The following RORC variants were observed in gnomAD, a reference collection of about 807,000 sequenced individuals.
RORC encodes nuclear receptor ROR-gamma.
In RORC, 13 loss-of-function variants were observed where a neutral mutation model predicts 64.5. The observed-to-expected ratio is 0.20, with a 90% CI of 0.13 to 0.32. The LOEUF (loss-of-function observed/expected upper bound fraction) is 0.32. Ranked by LOEUF, RORC falls within the 10% of genes least tolerant of loss-of-function variation. The pLI is 1.00. For synonymous variants in RORC, 277 were observed against 259.3 expected, an observed-to-expected ratio of 1.07 and a Z score of -0.65; for missense variants, 468 against 669.5, an observed-to-expected ratio of 0.70 and a Z score of 3.32.
chr1:151,811,302 T>C (rs1305525561), intron 10 of RORC, 23 bp downstream of exon 10: 1 of 1,530,680 alleles, frequency 6.5e-7, no homozygotes, highest in South Asian at 1.1e-5. Flanking sequence ...CCTGGCCTCT[T>C]CTACCCCAGG....
chr1:151,827,092 T>C (rs898052837), intron 2 of RORC, among the ~76,000 whole-genome samples: 3 of 152,208 alleles, frequency 2.0e-5, no homozygotes, highest in African/African-American at 7.2e-5. Context: ...CACTACAGCC[T>C]GAGCAACTGA....
intron 3 of RORC, 40 bp from the exon 4 acceptor site, chr1:151,816,845 T>G (rs1447395608): frequency 5.4e-6 from 8 of 1,486,396 alleles, no homozygotes; most frequent in Non-Finnish European, 7.2e-6. Context: ...CTTATCCTGG[T>G]CAGGCCCAGC....
intron 9 of RORC, 108 bp downstream of exon 9, chr1:151,812,839 T>C (rs1651592212): frequency 4.3e-6 from 3 of 691,042 alleles, no homozygotes; most frequent in Non-Finnish European, 5.0e-6. Context: ...TTCTGCTATT[T>C]AAAGCAATTT....
chr1:151,809,074 C>T (rs7551489), intron 10 of RORC, among the ~76,000 whole-genome samples: 2,091 of 152,238 alleles, frequency 0.014, 36 homozygotes, highest in African/African-American at 0.047. Flanking sequence ...ATTTGATTCT[C>T]GGCATCACAG....
At chr1:151,826,536 G>T (rs1322113739) in intron 2 of RORC, among the ~76,000 whole-genome samples, 1 of 152,166 alleles carries the variant, frequency 6.6e-6, no homozygotes, top group African/African-American at 2.4e-5. Context: ...GGTGCAGCCT[G>T]GGGGGCTGTC....
rs1299575377 is a variant in RORC, at chr1:151,817,430, G to A, written c.71-150C>T. The A allele has an allele frequency of 4.8e-6, 3 of 630,902 alleles. No individual in the cohort carries two copies. The East Asian group carries it at 8.2e-5, about 17-fold the overall frequency. The allele number at this position is 630,902 out of a possible 1,614,324, so 39.1% of individuals were successfully genotyped here. A position where few individuals can be genotyped will look rare whatever the true frequency, so the allele number is the denominator to read the frequency against. On this transcript the variant is annotated intron_variant, in intron 2 of 10. Transcript: ENST00000318247. The stretch of plus-strand genomic sequence containing the variant: ...GTTTCCCTCTTGCAAAATGGAAGGG[G>A]AAGTGAAATGCCAAATGCTTCTCAG...
intron 4 of RORC, 28 bp downstream of exon 4, chr1:151,816,636 C>A (rs1357188902): frequency 1.3e-6 from 2 of 1,587,894 alleles, no homozygotes; most frequent in African/African-American, 1.3e-5. Flanking sequence ...ACCAGGAAAA[C>A]CCCAGGGGGC....
Position 151,816,739 on chromosome 1 carries a change from T to C in RORC, c.223A>G (p.Ile75Val). Residue 75 changes from isoleucine to valine, a missense_variant, in exon 4 of 11, where the codon ATC (isoleucine) becomes GTC (valine). Transcript: ENST00000318247. ...CATCGGTTTCGGCTGGTGCGGTCGA[T>C]GGGGCAGTTCTGCTGACGGGTGCAG... ...YSCTRQQNCP[I>V]DRTSRNRCQH... 6.3e-7 allele frequency: 1 copy of C among 1,599,424 alleles called. No individual in the cohort carries two copies. The highest frequency in any genetic ancestry group is 8.5e-7 in the Non-Finnish European group (1 of 1,172,592).
Position 151,807,586 on chromosome 1 carries a change from T to C in RORC, c.1443A>G (p.Glu481=). Residue 481 remains glutamate (E), a synonymous_variant, in exon 11 of 11, where the codon GAA becomes GAG. Coordinates refer to ENST00000318247, the MANE Select transcript of RORC (RefSeq NM_005060.4). The surrounding 1 kb of genome is among the most constrained non-coding windows in gnomAD (Gnocchi z 5.0). ...GGAGGTGCTGGAAGATCTGCAGCCT[T>C]TCCACATGCTGGCTACACAGGCTCC... ...KLRSLCSQHV[E]RLQIFQHLHP... 9 of 1,613,908 alleles carry C rather than the reference T, an allele frequency of 5.6e-6. No homozygotes were observed. Among genetic ancestry groups the C allele is most frequent in the Non-Finnish European group, 6.8e-6 (8 of 1,179,948 alleles).
chr1:151,826,790 C>T (rs892934547), intron 2 of RORC, among the ~76,000 whole-genome samples: 19 of 152,146 alleles, frequency 1.2e-4, no homozygotes, highest in Admixed American at 2.0e-4. Context: ...AAATGGTTCT[C>T]GATGTTTTAT....
rs200047333 is a variant in RORC, at chr1:151,807,361, G to A, written c.*111C>T. On this transcript the variant is annotated 3_prime_UTR_variant, in exon 11 of 11. Transcript: ENST00000318247. The surrounding 1 kb of genome is among the most constrained non-coding windows in gnomAD (Gnocchi z 5.0). Reference sequence around the variant, plus strand: ...GCATCTGCTCACTTCCAAAGAGCTGGTGGGGACCACCCTCCAGGGTTCATG... The same window carrying A: ...GCATCTGCTCACTTCCAAAGAGCTGATGGGGACCACCCTCCAGGGTTCATG... 4.4e-6 allele frequency: 5 copies of A among 1,131,886 alleles called. No individual in the cohort carries two copies. The East Asian group carries it at 1.3e-4, about 29-fold the overall frequency. 70.1% of individuals were successfully genotyped at this position (1,131,886 alleles called of 1,614,324 possible).
intron 2 of RORC, among the ~76,000 whole-genome samples, chr1:151,820,508 G>A (rs11578418): frequency 0.11 from 16,100 of 152,038 alleles, 962 homozygotes; most frequent in African/African-American, 0.16. Flanking sequence ...CAGGAACCTC[G>A]AACCAGCCCC....
chr1:151,808,369 G>A (rs557263789), intron 10 of RORC, among the ~76,000 whole-genome samples: 1 of 152,236 alleles, frequency 6.6e-6, no homozygotes, highest in Non-Finnish European at 1.5e-5. Flanking sequence ...CGGAGGCAGG[G>A]AGACCTCACT....
intron 2 of RORC, chr1:151,826,069 T>C: frequency 6.6e-7 from 1 of 1,525,136 alleles, no homozygotes; most frequent in Non-Finnish European, 8.8e-7. Context: ...GCTCTGCACC[T>C]AGCTCTCTCC....
At chr1:151,808,039 C>G (rs1651381081) in intron 10 of RORC, among the ~76,000 whole-genome samples, 1 of 152,190 alleles carries the variant, frequency 6.6e-6, no homozygotes, top group Non-Finnish European at 1.5e-5. Flanking sequence ...GTCACCTCTC[C>G]TAAGACTATT....
rs777198149 is a variant in RORC at position 151,811,325 on chromosome 1, C to T, written c.1395G>A (p.Lys465=). Residue 465 remains lysine, a splice_region_variant and synonymous_variant, in exon 10 of 11, where the codon AAG becomes AAA. Coordinates refer to ENST00000318247, the MANE Select transcript of RORC (RefSeq NM_005060.4). The part of the protein sequence containing the change: ...CKTHRQSILA[K]LPPKGKLRSL... Reference sequence around the variant, plus strand: ...CTTCTACCCCAGGGACTGCTCCTACCTTTGCCAGGATGCTTTGGCGATGAG... The same window carrying T: ...CTTCTACCCCAGGGACTGCTCCTACTTTTGCCAGGATGCTTTGGCGATGAG... The T allele has an allele frequency of 1.2e-6, 2 of 1,609,248 alleles. No homozygotes were observed. Among genetic ancestry groups the T allele is most frequent in the Non-Finnish European group, 8.5e-7 (1 of 1,175,660 alleles).
chr1:151,811,445 G>A lies in RORC; in HGVS notation c.1286-11C>T, dbSNP rs987415040. The A allele has an allele frequency of 4.5e-6, 7 of 1,546,568 alleles. No homozygotes were observed. The Admixed American group carries it at 5.1e-5, about 11-fold the overall frequency. On this transcript the variant is annotated splice_polypyrimidine_tract_variant and intron_variant, in intron 9 of 10. Transcript: ENST00000318247. ...GGAGCCCTGGCCGATCTGGAGGAGG[G>A]GGTGGGACCGTAATGAGAACAAGAA...
chr1:151,821,597 G>A (rs1039246341), intron 2 of RORC, among the ~76,000 whole-genome samples: 1 of 152,220 alleles, frequency 6.6e-6, no homozygotes, highest in African/African-American at 2.4e-5. Flanking sequence ...CTGAGGCCTA[G>A]AGAGAATAAA....
intron 2 of RORC, among the ~76,000 whole-genome samples, chr1:151,826,250 T>C (rs1652192017): frequency 6.6e-6 from 1 of 151,924 alleles, no homozygotes; most frequent in Non-Finnish European, 1.5e-5. Flanking sequence ...GTAGGGGGCG[T>C]TGGAAAATTC....
Sources: allele counts gnomAD v4.1 joint callset (sites outside exome capture counted in the v4.1 genomes callset), GRCh38; gene constraint gnomAD v4.1.1; non-coding constraint Gnocchi (gnomAD v3.1); transcripts MANE v1.5; gene names NCBI Gene and HGNC (gene_info 2026-07-23, HGNC 2026-07-21).